The following ZNF100 variants were observed in gnomAD, a reference collection of about 807,000 sequenced individuals.
ZNF100 encodes zinc finger protein 100, also known as zinc finger protein 100 (Y1).
In ZNF100, 12 loss-of-function variants were observed where a neutral mutation model predicts 15.8. The ratio of observed to expected loss-of-function variants is 0.76; its 90% CI spans 0.49 to 1.23. The LOEUF (loss-of-function observed/expected upper bound fraction) is 1.23. Ranked by LOEUF, ZNF100 falls within the 50% of genes most tolerant of loss-of-function variation. The probability of loss-of-function intolerance (pLI) is 0.00; values close to 1 mark genes in which losing one functional copy is unlikely to be tolerated. For missense variants in ZNF100, 670 were observed against 635.6 expected (o/e 1.05, Z -0.58); for synonymous variants, 226 against 214.8 (o/e 1.05, Z -0.45).
rs1331365402 is a variant in ZNF100, at chr19:21,723,352, C to T, written c.*3331G>A. On this transcript the variant is annotated 3_prime_UTR_variant, in exon 5 of 5. Coordinates refer to ENST00000358296, the MANE Select transcript of ZNF100 (RefSeq NM_173531.4). The stretch of plus-strand genomic sequence containing the variant: ...TCCAGCTTGGGCAACAAGAGTGAGA[C>T]TCTGTCTCAAAAAAAAAAAAAAAAA... The T allele has an allele frequency of 8.1e-6, 1 of 124,200 alleles. No homozygotes were observed. The highest frequency in any genetic ancestry group is 1.6e-5 in the Non-Finnish European group (1 of 62,128). 7.7% of individuals were successfully genotyped at this position (124,200 alleles called of 1,614,324 possible).
intron 2 of ZNF100, chr19:21,751,714 T>C: frequency 8.3e-7 from 1 of 1,200,256 alleles, no homozygotes; most frequent in Non-Finnish European, 1.2e-6. Context: ...CTAGTGTTTA[T>C]GCCAAACACT....
In ZNF100 at chr19:21,727,080, T is replaced by A. The variant is rs546924864; in HGVS notation, c.1232A>T (p.Asn411Ile). 10 of 1,613,672 alleles carry A rather than the reference T, an allele frequency of 6.2e-6. No individual in the cohort carries two copies. The East Asian group carries it at 2.2e-4, about 36-fold the overall frequency. Residue 411 changes from asparagine (N) to isoleucine (I), a missense_variant, in exon 5 of 5, where the codon AAC becomes ATC. Coordinates refer to ENST00000358296, the MANE Select transcript of ZNF100 (RefSeq NM_173531.4). ...YKCEECGKGFNWSSALTKHKR... is the reference protein window; with the variant it reads ...YKCEECGKGFIWSSALTKHKR... ...ATGTTTAGTGAGGGCTGAGGACCAG[T>A]TAAAGCCTTTGCCGCATTCTTCACA... is the stretch of plus-strand genomic sequence containing the variant.
At chr19:21,730,101 T>C (rs1315587286) in intron 4 of ZNF100, among the ~76,000 whole-genome samples, 1 of 151,972 alleles carries the variant, frequency 6.6e-6, no homozygotes, top group Non-Finnish European at 1.5e-5. Flanking sequence ...CATTAGTATG[T>C]CTTTCTGTTT....
intron 4 of ZNF100, among the ~76,000 whole-genome samples, chr19:21,737,369 T>TA (rs1310508547): frequency 9.3e-5 from 14 of 150,756 alleles, no homozygotes; most frequent in Admixed American, 2.6e-4. Flanking sequence ...CTACTAAAAA[T>TA]AAAAAAATAA....
intron 4 of ZNF100, among the ~76,000 whole-genome samples, chr19:21,731,277 T>C (rs1049459258): frequency 1.6e-5 from 2 of 121,472 alleles, no homozygotes; most frequent in African/African-American, 6.6e-5. Context: ...CCAATAGCAA[T>C]GCAAGTTTCT....
chr19:21,751,361 C>T (rs142657105), intron 2 of ZNF100: 4 of 829,660 alleles, frequency 4.8e-6, no homozygotes, highest in African/African-American at 3.3e-5. Context: ...TCCCCTCACA[C>T]GAGAAAAAGT....
rs1460188427 is a variant in ZNF100, at chr19:21,725,593, A to C, written c.*1090T>G. On this transcript the variant is annotated 3_prime_UTR_variant, in exon 5 of 5. Transcript: ENST00000358296. ...ATATCTGATGCAGCAACAATTGATCACATGCTTTCACATGTAAATAGGAGT... is the reference window on the plus strand; with the variant it reads ...ATATCTGATGCAGCAACAATTGATCCCATGCTTTCACATGTAAATAGGAGT... 1 of 152,188 alleles carries C rather than the reference A, an allele frequency of 6.6e-6. No individual in the cohort carries two copies. The highest frequency in any genetic ancestry group is 1.5e-5 in the Non-Finnish European group (1 of 67,998). 9.4% of individuals were successfully genotyped at this position (152,188 alleles called of 1,614,324 possible).
rs2035835548 is a variant in ZNF100, at chr19:21,727,728, T to C, written c.584A>G (p.His195Arg). The stretch of plus-strand genomic sequence containing the variant: ...TTTCTTTCTAGTATGTCTTATCTTA[T>C]GTCTGTTTGAATTTGAAAATGTATG... The part of the protein sequence containing the change: ...VFHTFSNSNR[H>R]KIRHTRKKPF... The change falls in exon 5 of 5, where the codon CAT becomes CGT. Residue 195 changes from histidine to arginine, a missense_variant. Transcript: ENST00000358296. The C allele has an allele frequency of 8.7e-6, 14 of 1,613,790 alleles. No individual in the cohort carries two copies. The East Asian group carries it at 2.9e-4, about 33-fold the overall frequency.
chr19:21,740,451 T>C (rs2145708940), intron 4 of ZNF100, among the ~76,000 whole-genome samples: 1 of 152,056 alleles, frequency 6.6e-6, no homozygotes, highest in South Asian at 2.1e-4. Context: ...CAGAAAAATT[T>C]AACTACACGC....
intron 4 of ZNF100, among the ~76,000 whole-genome samples, chr19:21,741,817 C>T (rs2036114575): frequency 6.6e-6 from 1 of 152,050 alleles, no homozygotes; most frequent in Admixed American, 6.5e-5. Context: ...GCTGAAACCA[C>T]TTGTGCATAC....
chr19:21,735,553 A>C (rs1172670425), intron 4 of ZNF100, among the ~76,000 whole-genome samples: 1 of 151,678 alleles, frequency 6.6e-6, no homozygotes, highest in Admixed American at 6.6e-5. Flanking sequence ...TAAAGAGTCA[A>C]CTCACTGGTG....
chr19:21,742,906 C>A (rs1382321610), intron 4 of ZNF100, among the ~76,000 whole-genome samples: 1 of 151,680 alleles, frequency 6.6e-6, no homozygotes, highest in Non-Finnish European at 1.5e-5. Context: ...GAAATTTAAC[C>A]AAGAAGGTAA....
chr19:21,727,642 T>C lies in ZNF100; in HGVS notation c.670A>G (p.Lys224Glu). 1.2e-6 allele frequency: 2 copies of C among 1,611,854 alleles called. No individual in the cohort carries two copies. Among genetic ancestry groups the C allele is most frequent in the African/African-American group, 1.3e-5 (1 of 74,844 alleles). ...FCMLLHLTQH[K>E]RFHITENSYQ... ...GAATTCTCTGTAATATGAAATCTTT[T>C]ATGTTGAGTTAGGTGTAAAAGCATG... Residue 224 changes from lysine to glutamate, a missense_variant, in exon 5 of 5, where the codon AAA (lysine) becomes GAA (glutamate). Coordinates refer to ENST00000358296, the MANE Select transcript of ZNF100 (RefSeq NM_173531.4).
chr19:21,766,990 T>TCAAACAAA (rs60164272), intron 1 of ZNF100, among the ~76,000 whole-genome samples: 1 of 151,156 alleles, frequency 6.6e-6, no homozygotes, highest in Non-Finnish European at 1.5e-5. Context: ...CGACTCCGTC[T>TCAAACAAA]CAAACAAACA....
chr19:21,739,113 A>ATGAGGT (rs2036062744), intron 4 of ZNF100, among the ~76,000 whole-genome samples: 1 of 152,248 alleles, frequency 6.6e-6, no homozygotes, highest in Admixed American at 6.5e-5. Context: ...TGGGGATTAC[A>ATGAGGT]TCGCAGCATG....
At position 21,724,034 on chromosome 19, in the gene ZNF100, T is replaced by A. The variant is rs184087745; in HGVS notation, c.*2649A>T. 1 of 152,256 alleles carries A rather than the reference T, an allele frequency of 6.6e-6. No individual in the cohort carries two copies. Among genetic ancestry groups the A allele is most frequent in the East Asian group, 1.9e-4 (1 of 5,186 alleles). The allele number at this position is 152,256 out of a possible 1,614,324, so 9.4% of individuals were successfully genotyped here. A position where few individuals can be genotyped will look rare whatever the true frequency, so the allele number is the denominator to read the frequency against. ...TCTTATAATCACAGACCAGCTCACATAATGAATACTTCATAATCTGTAAAA... is the reference window on the plus strand; with the variant it reads ...TCTTATAATCACAGACCAGCTCACAAAATGAATACTTCATAATCTGTAAAA... On this transcript the variant is annotated 3_prime_UTR_variant, in exon 5 of 5. Transcript: ENST00000358296.
At position 21,726,629 on chromosome 19, in the gene ZNF100, A is replaced by AT. The variant is rs1424869719; in HGVS notation, c.*53dup. 4.7e-6 allele frequency: 7 copies of AT among 1,502,212 alleles called. No homozygotes were observed. Among genetic ancestry groups the AT allele is most frequent in the East Asian group, 2.3e-5 (1 of 44,404 alleles). 93.1% of individuals were successfully genotyped at this position (1,502,212 alleles called of 1,614,324 possible). A position where few individuals can be genotyped will look rare whatever the true frequency, so the allele number is the denominator to read the frequency against. The stretch of plus-strand genomic sequence containing the variant: ...GTCACAGGAGTTCCCTCCAGTATGA[A>AT]TTTTTTTATGTTTAGTAAGAGTTGA... On this transcript the variant is annotated 3_prime_UTR_variant, in exon 5 of 5. Coordinates refer to ENST00000358296, the MANE Select transcript of ZNF100 (RefSeq NM_173531.4).
At chr19:21,755,268 T>C (rs997984350) in intron 2 of ZNF100, among the ~76,000 whole-genome samples, 1 of 151,210 alleles carries the variant, frequency 6.6e-6, no homozygotes, top group Non-Finnish European at 1.5e-5. Flanking sequence ...GATCGCACCA[T>C]TGCACTCCAG....
rs2035801019 is a variant in ZNF100 at position 21,726,908 on chromosome 19, C to A, written c.1404G>T (p.Arg468=). The A allele has an allele frequency of 6.2e-7, 1 of 1,611,350 alleles. No homozygotes were observed. Among genetic ancestry groups the A allele is most frequent in the Non-Finnish European group, 8.5e-7 (1 of 1,179,184 alleles). ...TCTTATGTGCAGTTAGTTGTGAGGA[C>A]CGGTTAAAGGCTTTGCCACATTCGT... ...KCDECGKAFN[R]SSQLTAHKMI... The change falls in exon 5 of 5, where the codon CGG becomes CGT. Residue 468 remains arginine (R), a synonymous_variant. Coordinates refer to ENST00000358296, the MANE Select transcript of ZNF100 (RefSeq NM_173531.4).
Sources: gnomAD v4.1 joint callset for allele counts (sites outside exome capture counted in the v4.1 genomes callset) on GRCh38, gnomAD v4.1.1 for gene constraint, MANE v1.5 for transcripts, NCBI Gene and HGNC (gene_info 2026-07-23, HGNC 2026-07-21) for gene names.